SYBU: variants seen among roughly 807,000 people sequenced by gnomAD.
The protein encoded by SYBU is syntabulin.
In SYBU, 21 loss-of-function variants were observed where a neutral mutation model predicts 35.9. The ratio of observed to expected loss-of-function variants is 0.58; its 90% CI spans 0.41 to 0.84. SYBU has a LOEUF of 0.84. Among genes scored for constraint, SYBU ranks in the 40% least tolerant of loss-of-function variants. SYBU has a pLI of 0.00. For synonymous variants in SYBU, 319 were observed against 324.3 expected, an observed-to-expected ratio of 0.98 and a Z score of 0.18; for missense variants, 768 against 848.2, an observed-to-expected ratio of 0.91 and a Z score of 1.17.
intron 2 of SYBU, among the ~76,000 whole-genome samples, chr8:109,628,641 C>A (rs2130489271): frequency 6.6e-6 from 1 of 152,168 alleles, no homozygotes; most frequent in Non-Finnish European, 1.5e-5. Flanking sequence ...CTGCACCCAG[C>A]CAGAGACCCT....
intron 2 of SYBU, among the ~76,000 whole-genome samples, chr8:109,637,154 C>T (rs184428949): frequency 1.2e-4 from 18 of 152,248 alleles, no homozygotes; most frequent in Admixed American, 1.1e-3. Context: ...ATTCCTGAGC[C>T]CTTTCATTTC....
intron 3 of SYBU, among the ~76,000 whole-genome samples, chr8:109,613,344 C>T (rs571693564): frequency 6.6e-5 from 10 of 152,272 alleles, no homozygotes; most frequent in Admixed American, 2.0e-4. Flanking sequence ...TCTGCCAGGT[C>T]CAACACAGAG....
intron 1 of SYBU, among the ~76,000 whole-genome samples, chr8:109,678,823 A>C (rs1023596246): frequency 1.3e-5 from 2 of 152,166 alleles, no homozygotes; most frequent in African/African-American, 2.4e-5. Flanking sequence ...AATTACAAGA[A>C]GACCTTTAAA....
rs71305959 is a variant in SYBU, at chr8:109,576,042, T to TAAAA, written c.885-33_885-30dup. On this transcript the variant is annotated intron_variant, in intron 6 of 6. Coordinates refer to ENST00000276646, the MANE Select transcript of SYBU (RefSeq NM_001099754.2). ...GAGTGCCAAGACAAGCATGGTTAAT[T>TAAAA]AAAAAAAAAAAAAAAAAAAAAAAAA... 1.4e-3 allele frequency: 1,179 copies of TAAAA among 845,526 alleles called. 6 individuals carry two copies. Among genetic ancestry groups the TAAAA allele is most frequent in the Non-Finnish European group, 1.5e-3 (1,000 of 647,236 alleles). 52.4% of individuals were successfully genotyped at this position (845,526 alleles called of 1,614,324 possible).
intron 3 of SYBU, among the ~76,000 whole-genome samples, chr8:109,616,267 C>T (rs1811780950): frequency 6.6e-6 from 1 of 152,042 alleles, no homozygotes; most frequent in Non-Finnish European, 1.5e-5. Context: ...GCCTCAGCCT[C>T]CCAAAGTACT....
intron 2 of SYBU, among the ~76,000 whole-genome samples, chr8:109,626,090 A>T (rs1246853296): frequency 6.6e-6 from 1 of 152,322 alleles, no homozygotes; most frequent in East Asian, 1.9e-4. Flanking sequence ...TTATTCTATG[A>T]ATTGTTCAAG....
intron 3 of SYBU, among the ~76,000 whole-genome samples, chr8:109,606,033 A>AT (rs1826036604): frequency 6.6e-6 from 1 of 152,222 alleles, no homozygotes; most frequent in African/African-American, 2.4e-5. Flanking sequence ...ACACATATAT[A>AT]TAGCTATTTA....
intron 1 of SYBU, among the ~76,000 whole-genome samples, chr8:109,653,133 A>G (rs1816216549): frequency 6.6e-6 from 1 of 152,166 alleles, no homozygotes; most frequent in Non-Finnish European, 1.5e-5. Flanking sequence ...CTAAAACAAT[A>G]ATGATAAATG....
intron 2 of SYBU, among the ~76,000 whole-genome samples, chr8:109,631,363 T>C (rs1813605024): frequency 6.6e-6 from 1 of 152,172 alleles, no homozygotes; most frequent in Admixed American, 6.5e-5. Context: ...CTGAGTGCCT[T>C]CCTTGTTTCT....
At chr8:109,669,377 C>T (rs976479544) in intron 1 of SYBU, among the ~76,000 whole-genome samples, 1 of 137,520 alleles carries the variant, frequency 7.3e-6, no homozygotes, top group African/African-American at 2.7e-5. Context: ...AACAACTGAT[C>T]TATGAGTTTG....
chr8:109,641,293 T>C (rs1488785310), intron 2 of SYBU, among the ~76,000 whole-genome samples: 1 of 152,244 alleles, frequency 6.6e-6, no homozygotes, highest in Non-Finnish European at 1.5e-5. Context: ...GGAAACTTTC[T>C]TAATCACGTG....
In SYBU at chr8:109,575,457, T is replaced by C. The variant is rs1277166038; in HGVS notation, c.1441A>G (p.Ser481Gly). The C allele has an allele frequency of 1.2e-6, 2 of 1,614,044 alleles. No individual in the cohort carries two copies. The highest frequency in any genetic ancestry group is 3.3e-5 in the Admixed American group (2 of 60,008). The change falls in exon 7 of 7, where the codon AGT becomes GGT. Residue 481 changes from serine to glycine, a missense_variant. By Grantham distance (56) the Ser-to-Gly change is moderately conservative (BLOSUM62 0). Transcript: ENST00000276646. ...TGAACGGCTCGCTCCACCACCACAC[T>C]GCCCTCCTCCTGACCCATGACTATG... ...LPIVMGQEEGSVVVERAVQTD... is the reference protein window; with the variant it reads ...LPIVMGQEEGGVVVERAVQTD...
At position 109,575,000 on chromosome 8, in the gene SYBU, G is replaced by A. The variant is rs755298681; in HGVS notation, c.1898C>T (p.Thr633Met). The A allele has an allele frequency of 5.7e-6, 9 of 1,584,214 alleles. No individual in the cohort carries two copies. The East Asian group carries it at 1.3e-4, about 24-fold the overall frequency. Residue 633 changes from threonine (T) to methionine (M), a missense_variant, in exon 7 of 7, where the codon ACG becomes ATG. By Grantham distance (81) the Thr-to-Met change is moderately conservative. Transcript: ENST00000276646. ...GGCCCCGATGTTATACACAGGATCCGTTCCCCCTCTCTGAGTACTGAATGC... is the reference window on the plus strand; with the variant it reads ...GGCCCCGATGTTATACACAGGATCCATTCCCCCTCTCTGAGTACTGAATGC... ...LWAFSTQRGG[T>M]DPVYNIGALL...
At chr8:109,679,578 T>C (rs910513266) in intron 1 of SYBU, among the ~76,000 whole-genome samples, 1 of 152,226 alleles carries the variant, frequency 6.6e-6, no homozygotes, top group Non-Finnish European at 1.5e-5. Context: ...GTAATTGCTT[T>C]GCTATTACAC....
chr8:109,616,006 C>CTTTTTGT (rs1811731777), intron 3 of SYBU, among the ~76,000 whole-genome samples: 4 of 67,766 alleles, frequency 5.9e-5, no homozygotes, highest in Admixed American at 3.5e-4. Context: ...TCTTTTCTTT[C>CTTTTTGT]TTTTTTTTTT....
chr8:109,587,378 T>C (rs544306304), intron 3 of SYBU, among the ~76,000 whole-genome samples: 1 of 152,282 alleles, frequency 6.6e-6, no homozygotes, highest in South Asian at 2.1e-4. Flanking sequence ...ATCTCACTAT[T>C]TTACTATTGA....
At chr8:109,682,362 A>C (rs117796765), upstream of SYBU, among the ~76,000 whole-genome samples, 8 of 152,342 alleles carry the variant, frequency 5.3e-5, no homozygotes, top group East Asian at 1.5e-3. Context: ...AAATGCTGAT[A>C]GTGATATAGA....
Position 109,574,999 on chromosome 8 carries a change from C to A in SYBU, c.1899G>T (p.Thr633=). 4 of 1,581,186 alleles carry A rather than the reference C, an allele frequency of 2.5e-6. No individual in the cohort carries two copies. In the South Asian group the frequency reaches 3.5e-5, roughly 14 times the overall value. ...LWAFSTQRGG[T]DPVYNIGALL... ...AGGCCCCGATGTTATACACAGGATCCGTTCCCCCTCTCTGAGTACTGAATG... is the reference window on the plus strand; with the variant it reads ...AGGCCCCGATGTTATACACAGGATCAGTTCCCCCTCTCTGAGTACTGAATG... Residue 633 remains threonine, a synonymous_variant, in exon 7 of 7, where the codon ACG becomes ACT. Transcript: ENST00000276646.
chr8:109,687,606 A>G (rs967411453), intron 1 of SYBU, among the ~76,000 whole-genome samples: 4 of 152,148 alleles, frequency 2.6e-5, no homozygotes, highest in East Asian at 1.9e-4. Context: ...AGTTAATAAA[A>G]TGTTGGTTTC....
Sources: allele counts gnomAD v4.1 joint callset (sites outside exome capture counted in the v4.1 genomes callset), GRCh38; gene constraint gnomAD v4.1.1; transcripts MANE v1.5; gene names NCBI Gene and HGNC (gene_info 2026-07-23, HGNC 2026-07-21).